Variants in LAMA2 observed in about 807,000 individuals in gnomAD.
The protein encoded by LAMA2 is laminin subunit alpha-2.
In LAMA2, 269 loss-of-function variants were observed where a neutral mutation model predicts 364.8. The observed-to-expected ratio is 0.74, with a 90% CI of 0.67 to 0.82. The LOEUF is 0.82. Among genes scored for constraint, LAMA2 ranks in the 40% least tolerant of loss-of-function variants. LAMA2 has a pLI of 0.00. For missense variants in LAMA2, 3,807 were observed against 3,873.2 expected, an observed-to-expected ratio of 0.98 and a Z score of 0.45; for synonymous variants, 1,379 against 1,370.6, an observed-to-expected ratio of 1.01 and a Z score of -0.14.
At chr6:128,967,523 G>A (rs973865997) in intron 1 of LAMA2, among the ~76,000 whole-genome samples, 18 of 152,180 alleles carry the variant, frequency 1.2e-4, no homozygotes, top group African/African-American at 4.3e-4. Flanking sequence ...CATGATTTAT[G>A]TCTCATACTG....
chr6:129,406,246 ATGAG>A (rs1780242771), intron 40 of LAMA2, among the ~76,000 whole-genome samples: 2 of 152,214 alleles, frequency 1.3e-5, no homozygotes, highest in Admixed American at 1.3e-4. Context: ...AAAGGAAAAT[ATGAG>A]TGAGAAGGAA....
intron 12 of LAMA2, among the ~76,000 whole-genome samples, chr6:129,198,502 G>A (rs1423741169): frequency 6.6e-6 from 1 of 152,098 alleles, no homozygotes; most frequent in Non-Finnish European, 1.5e-5. Context: ...GAACGACAAA[G>A]ATATGAATTT....
chr6:128,996,953 AGG>A (rs1783984281), intron 1 of LAMA2, among the ~76,000 whole-genome samples: 1 of 152,232 alleles, frequency 6.6e-6, no homozygotes, highest in Non-Finnish European at 1.5e-5. Context: ...GCCGTGAAAA[AGG>A]ATGAGTTCAT....
At chr6:129,389,795 A>T (rs1779219149) in intron 35 of LAMA2, among the ~76,000 whole-genome samples, 1 of 150,210 alleles carries the variant, frequency 6.7e-6, no homozygotes, top group Non-Finnish European at 1.5e-5. Flanking sequence ...GTGAGAATTT[A>T]TTCACTATCA....
chr6:128,937,179 T>G (rs1397943156), intron 1 of LAMA2, among the ~76,000 whole-genome samples: 14 of 152,224 alleles, frequency 9.2e-5, no homozygotes, highest in Non-Finnish European at 8.8e-5. Flanking sequence ...TCGACTCATG[T>G]ATGTTGAATT....
intron 40 of LAMA2, among the ~76,000 whole-genome samples, chr6:129,410,145 T>G (rs9321163): frequency 1.3e-5 from 2 of 151,716 alleles, no homozygotes; most frequent in Non-Finnish European, 2.9e-5. Context: ...CAGAATGAAT[T>G]CCATAGTTCA....
chr6:129,453,055 G>C lies in LAMA2; in HGVS notation c.6497G>C (p.Ser2166Thr), dbSNP rs1165268781. ...RTYKPEIKKGSYNNIVVNVKT... is the reference protein window; with the variant it reads ...RTYKPEIKKGTYNNIVVNVKT... ...TACAAACCAGAAATCAAGAAAGGAA[G>C]TTACAATAATATTGTTGTCAACGTA... The change falls in exon 46 of 65, where the codon AGT becomes ACT. Residue 2166 changes from serine to threonine, a missense_variant. Ser to Thr is a moderately conservative substitution (Grantham distance 58). Transcript: ENST00000421865. The C allele has an allele frequency of 1.9e-6, 3 of 1,612,744 alleles. No homozygotes were observed. The Admixed American group carries it at 5.0e-5, about 27-fold the overall frequency.
At chr6:129,361,878 G>C (rs1008450186) in intron 32 of LAMA2, among the ~76,000 whole-genome samples, 4 of 145,942 alleles carry the variant, frequency 2.7e-5, no homozygotes, top group Non-Finnish European at 4.5e-5. Context: ...TCTACCTCCT[G>C]GGTTCAAGTG....
intron 10 of LAMA2, among the ~76,000 whole-genome samples, chr6:129,180,105 A>G (rs1232962490): frequency 6.6e-6 from 1 of 152,056 alleles, no homozygotes; most frequent in Non-Finnish European, 1.5e-5. Context: ...AAGACACTTA[A>G]TGTAACAGTT....
chr6:129,214,450 C>T (rs1783297958), intron 12 of LAMA2, among the ~76,000 whole-genome samples: 1 of 152,192 alleles, frequency 6.6e-6, no homozygotes, highest in Admixed American at 6.5e-5. Context: ...AACCAAACCT[C>T]ACTATGGATT....
intron 62 of LAMA2, among the ~76,000 whole-genome samples, chr6:129,510,524 A>G (rs1047107572): frequency 6.6e-6 from 1 of 152,178 alleles, no homozygotes; most frequent in Non-Finnish European, 1.5e-5. Flanking sequence ...TTAGAAATAA[A>G]CTAATAAGCA....
intron 8 of LAMA2, 81 bp downstream of exon 8, chr6:129,154,764 T>A: frequency 8.6e-7 from 1 of 1,162,702 alleles, no homozygotes. Context: ...AAATAATAAT[T>A]TTGAAAGCTT....
intron 6 of LAMA2, 64 bp from the exon 7 acceptor site, chr6:129,148,911 TAGAG>T: frequency 9.9e-7 from 1 of 1,005,886 alleles, no homozygotes; most frequent in Non-Finnish European, 1.6e-6. Context: ...ATAGTACCTT[TAGAG>T]AGAGGCTTCC....
intron 33 of LAMA2, among the ~76,000 whole-genome samples, chr6:129,369,380 A>C (rs1777944690): frequency 6.6e-6 from 1 of 152,210 alleles, no homozygotes; most frequent in African/African-American, 2.4e-5. Context: ...CTGTTAGGCC[A>C]GTTCCTAGCA....
chr6:129,284,350 G>T (rs143869330), intron 18 of LAMA2, among the ~76,000 whole-genome samples: 1 of 152,028 alleles, frequency 6.6e-6, no homozygotes, highest in Non-Finnish European at 1.5e-5. Flanking sequence ...AAATGTCCTT[G>T]ATTGGGCCTA....
intron 10 of LAMA2, among the ~76,000 whole-genome samples, chr6:129,185,813 C>A (rs1046113069): frequency 2.6e-4 from 39 of 151,758 alleles, no homozygotes; most frequent in African/African-American, 7.0e-4. Flanking sequence ...GGAAAAATGA[C>A]TATTATAGTT....
chr6:129,448,016 G>A (rs554799795), intron 45 of LAMA2, among the ~76,000 whole-genome samples: 1 of 152,188 alleles, frequency 6.6e-6, no homozygotes, highest in Non-Finnish European at 1.5e-5. Context: ...GGCTGGGCAT[G>A]GTGGCTCAAG....
At chr6:129,054,110 T>C (rs75012273) in intron 2 of LAMA2, among the ~76,000 whole-genome samples, 3,540 of 152,290 alleles carry the variant, frequency 0.023, 124 homozygotes, top group African/African-American at 0.08. Flanking sequence ...AAATTTCTTA[T>C]TTGATGATCT....
chr6:129,358,642 A>G (rs187928655), intron 32 of LAMA2, among the ~76,000 whole-genome samples: 1 of 152,170 alleles, frequency 6.6e-6, no homozygotes, highest in East Asian at 1.9e-4. Flanking sequence ...AATTTGTGTG[A>G]CATTATTTAA....
Sources: gnomAD v4.1 joint callset for allele counts (sites outside exome capture counted in the v4.1 genomes callset) on GRCh38, gnomAD v4.1.1 for gene constraint, MANE v1.5 for transcripts, NCBI Gene and HGNC (gene_info 2026-07-23, HGNC 2026-07-21) for gene names.